Variants in TENM2 observed in about 807,000 individuals in gnomAD.
TENM2 encodes the protein teneurin transmembrane protein 2.
TENM2 carries 52 observed loss-of-function variants against 245.2 expected under a neutral mutation model. The observed-to-expected ratio is 0.21, with a 90% CI of 0.17 to 0.27. The LOEUF (loss-of-function observed/expected upper bound fraction) is 0.27, where lower values mean the gene tolerates loss of function less well. TENM2 is among the 10% of genes least tolerant of loss of function. The pLI is 1.00. For missense variants in TENM2, 3,046 were observed against 3,666.8 expected, an observed-to-expected ratio of 0.83 and a Z score of 4.37; for synonymous variants, 1,363 against 1,438.9, an observed-to-expected ratio of 0.95 and a Z score of 1.19.
chr5:167,255,901 C>A, the TENM2 span, among the ~76,000 whole-genome samples: 1 of 152,052 alleles, frequency 6.6e-6, no homozygotes, highest in Non-Finnish European at 1.5e-5. Flanking sequence ...GAAACACATG[C>A]TACCAATTTT....
chr5:167,651,311 C>T (rs889701200), intron 2 of TENM2, among the ~76,000 whole-genome samples: 1 of 151,906 alleles, frequency 6.6e-6, no homozygotes, highest in African/African-American at 2.4e-5. Flanking sequence ...ATTTGTCTGA[C>T]TCTTGACTCA....
In TENM2 at chr5:168,244,330, C is replaced by T. The variant is rs537769647; in HGVS notation, c.5521-90C>T. ...TTTCTTCCTCCAGTGAACACTTAAG[C>T]CCTGGCCATGCCAGCCATGTCCTCC... On this transcript the variant is annotated intron_variant, in intron 25 of 28. Transcript: ENST00000518659. This position sits in a 1 kb window ranked among gnomAD's most constrained non-coding sequence, Gnocchi z 4.9. The T allele has an allele frequency of 2.5e-5, 27 of 1,081,960 alleles. No individual in the cohort carries two copies. The East Asian group carries it at 6.8e-4, about 27-fold the overall frequency. 67.0% of individuals were successfully genotyped at this position (1,081,960 alleles called of 1,614,324 possible).
At chr5:167,498,875 G>T (rs1317009577) in intron 2 of TENM2, among the ~76,000 whole-genome samples, 1 of 152,120 alleles carries the variant, frequency 6.6e-6, no homozygotes, top group Non-Finnish European at 1.5e-5. Context: ...GATATTCTCT[G>T]TATAGGGGAA....
At chr5:166,991,474 G>T in the TENM2 span, among the ~76,000 whole-genome samples, 2 of 152,050 alleles carry the variant, frequency 1.3e-5, no homozygotes, top group East Asian at 1.9e-4. Context: ...CAGTTGAAAA[G>T]CTCCCTTTTT....
chr5:167,646,497 G>A (rs966258954), intron 2 of TENM2, among the ~76,000 whole-genome samples: 1 of 151,546 alleles, frequency 6.6e-6, no homozygotes, highest in Non-Finnish European at 1.5e-5. Flanking sequence ...GTAGTTCTGA[G>A]GAAACCAAGC....
chr5:167,945,097 A>G (rs1341862315), intron 3 of TENM2, among the ~76,000 whole-genome samples: 1 of 152,180 alleles, frequency 6.6e-6, no homozygotes, highest in Non-Finnish European at 1.5e-5. Flanking sequence ...GACTCTAAAT[A>G]TAACTCCCAG....
At chr5:167,352,991 G>T (rs1759024413) in intron 1 of TENM2, among the ~76,000 whole-genome samples, 1 of 152,104 alleles carries the variant, frequency 6.6e-6, no homozygotes, top group Admixed American at 6.6e-5. Context: ...CTTCAGAAGG[G>T]AATAAAGAGA....
chr5:168,138,875 CCT>C (rs1755292191), intron 12 of TENM2, among the ~76,000 whole-genome samples: 1 of 152,210 alleles, frequency 6.6e-6, no homozygotes, highest in Non-Finnish European at 1.5e-5. Flanking sequence ...ACATGAGCCA[CCT>C]CTGTGTGAAT....
At chr5:168,005,451 AAC>A (rs1784751206) in intron 5 of TENM2, among the ~76,000 whole-genome samples, 1 of 152,214 alleles carries the variant, frequency 6.6e-6, no homozygotes, top group Non-Finnish European at 1.5e-5. Context: ...CTTTATTCAT[AAC>A]ACACTACCAC....
chr5:168,197,004 ATGCTCTGAGG>A, intron 15 of TENM2, among the ~76,000 whole-genome samples: 1 of 152,292 alleles, frequency 6.6e-6, no homozygotes, highest in Admixed American at 6.5e-5. Context: ...GTGCTTGAGA[ATGCTCTGAGG>A]AATCCCACAA....
At chr5:167,484,864 A>G (rs1169470444) in intron 2 of TENM2, among the ~76,000 whole-genome samples, 1 of 152,216 alleles carries the variant, frequency 6.6e-6, no homozygotes, top group Non-Finnish European at 1.5e-5. Context: ...GATGGGAGAT[A>G]GGAAAGATAT....
chr5:167,246,913 C>G, the TENM2 span, among the ~76,000 whole-genome samples: 1 of 151,940 alleles, frequency 6.6e-6, no homozygotes, highest in Non-Finnish European at 1.5e-5. Flanking sequence ...ACTTACCCGT[C>G]TATTCATCAC....
chr5:167,700,357 C>T (rs1380384909), intron 2 of TENM2, among the ~76,000 whole-genome samples: 1 of 152,200 alleles, frequency 6.6e-6, no homozygotes, highest in Non-Finnish European at 1.5e-5. Context: ...AAGTGTTTTA[C>T]AAACATTATC....
At chr5:167,564,580 G>A (rs1773784819) in intron 2 of TENM2, among the ~76,000 whole-genome samples, 1 of 152,148 alleles carries the variant, frequency 6.6e-6, no homozygotes, top group African/African-American at 2.4e-5. Context: ...AAAAAATGCA[G>A]CAGAACTTGG....
At chr5:167,446,371 T>C (rs1415196280) in intron 2 of TENM2, among the ~76,000 whole-genome samples, 1 of 152,140 alleles carries the variant, frequency 6.6e-6, no homozygotes, top group African/African-American at 2.4e-5. Flanking sequence ...GATCTACACA[T>C]ACAAATAGTG....
At chr5:167,623,598 AACTACCTC>A (rs1778311882) in intron 2 of TENM2, among the ~76,000 whole-genome samples, 1 of 152,058 alleles carries the variant, frequency 6.6e-6, no homozygotes, top group East Asian at 1.9e-4. Flanking sequence ...CACTATGTAC[AACTACCTC>A]ACACCTGGCT....
the TENM2 span, among the ~76,000 whole-genome samples, chr5:167,070,369 T>TC: frequency 6.7e-6 from 1 of 148,264 alleles, no homozygotes; most frequent in African/African-American, 2.5e-5. Context: ...GACCTCATGA[T>TC]CCCCCCATCT....
At chr5:168,221,675 G>A (rs1344689673) in intron 23 of TENM2, among the ~76,000 whole-genome samples, 7 of 152,142 alleles carry the variant, frequency 4.6e-5, no homozygotes, top group Non-Finnish European at 1.0e-4. Context: ...AAACTTCCAG[G>A]ACATCCAACC....
intron 14 of TENM2, among the ~76,000 whole-genome samples, chr5:168,193,664 G>A (rs893102277): frequency 8.5e-5 from 13 of 152,184 alleles, no homozygotes; most frequent in African/African-American, 2.9e-4. Flanking sequence ...AAAAGGAAGG[G>A]TGGGGGGACT....
Sources: allele counts gnomAD v4.1 joint callset (sites outside exome capture counted in the v4.1 genomes callset), GRCh38; gene constraint gnomAD v4.1.1; non-coding constraint Gnocchi (gnomAD v3.1); transcripts MANE v1.5; gene names NCBI Gene and HGNC (gene_info 2026-07-23, HGNC 2026-07-21).